The following ZRANB3 variants were observed in gnomAD, a reference collection of about 807,000 sequenced individuals.
ZRANB3 encodes the protein zinc finger RANBP2-type containing 3, also known as DNA annealing helicase and endonuclease ZRANB3.
Under a neutral mutation model 133.8 loss-of-function variants are expected in ZRANB3, and 125 were observed. The observed-to-expected ratio is 0.93, with a 90% CI of 0.81 to 1.08. The LOEUF is 1.08. Among genes scored for constraint, ZRANB3 ranks in the 50% least tolerant of loss-of-function variants. The probability of loss-of-function intolerance (pLI) is 0.00; values close to 1 mark genes in which losing one functional copy is unlikely to be tolerated. For synonymous variants in ZRANB3, 387 were observed against 432.7 expected (o/e 0.89, Z 1.31); for missense variants, 1,229 against 1,275.5 (o/e 0.96, Z 0.56).
intron 6 of ZRANB3, among the ~76,000 whole-genome samples, chr2:135,330,097 T>C (rs1684062236): frequency 6.6e-6 from 1 of 152,232 alleles, no homozygotes; most frequent in Non-Finnish European, 1.5e-5. Context: ...ATATGTTGAA[T>C]AGGAGTGGTG....
chr2:135,377,722 A>G (rs1219221006), intron 3 of ZRANB3, among the ~76,000 whole-genome samples: 1 of 152,252 alleles, frequency 6.6e-6, no homozygotes, highest in Admixed American at 6.5e-5. Context: ...TGAATTCCAA[A>G]TAATTTATGT....
intron 12 of ZRANB3, among the ~76,000 whole-genome samples, chr2:135,265,256 T>C (rs1209711897): frequency 6.6e-6 from 1 of 152,228 alleles, no homozygotes; most frequent in Non-Finnish European, 1.5e-5. Flanking sequence ...GCACATTTAA[T>C]ATACCTTTCC....
rs752481415 is a variant in ZRANB3 at position 135,341,758 on chromosome 2, G to A, written c.677+3792C>T. On this transcript the variant is annotated intron_variant, in intron 6 of 20. Coordinates refer to ENST00000264159, the MANE Select transcript of ZRANB3 (RefSeq NM_032143.4). ...AGGGCGGGGGGCCTCTAAAATGGCC[G>A]CTCTGGGAGTGTCTGCCTTATGCAG... Among the ~76,000 whole-genome samples the A allele has an allele frequency of 1.7e-4, 25 of 149,992 alleles. 3 individuals are homozygous for A. Among genetic ancestry groups the A allele is most frequent in the African/African-American group, 5.1e-4 (20 of 39,356 alleles).
chr2:135,260,810 GTATATATATACTATATATTC>G (rs1484364563), intron 12 of ZRANB3, among the ~76,000 whole-genome samples: 1 of 141,600 alleles, frequency 7.1e-6, no homozygotes, highest in Non-Finnish European at 1.5e-5. Flanking sequence ...CAAGTTTATA[GTATATATATACTATATATTC>G]TATATATATA....
intron 2 of ZRANB3, among the ~76,000 whole-genome samples, chr2:135,401,625 G>C (rs1158306132): frequency 2.6e-5 from 4 of 152,154 alleles, no homozygotes; most frequent in Admixed American, 2.6e-4. Flanking sequence ...TGTTAAAATA[G>C]GGTTGACTCA....
chr2:135,271,845 T>C lies in ZRANB3; in HGVS notation c.1129A>G (p.Arg377Gly). The C allele has an allele frequency of 6.2e-7, 1 of 1,613,748 alleles. No individual in the cohort carries two copies. Among genetic ancestry groups the C allele is most frequent in the Non-Finnish European group, 8.5e-7 (1 of 1,179,786 alleles). Residue 377 changes from arginine (R) to glycine (G), a missense_variant, in exon 10 of 21, where the codon AGA (arginine) becomes GGA (glycine). By Grantham distance (125) the Arg-to-Gly change is moderately radical (BLOSUM62 -2). Transcript: ENST00000264159. ...TGAAACTGATTAACCAGATGTATTC[T>C]TTCTGAAGATGAAACACTTCCATCT... ...RIDGSVSSSE[R>G]IHLVNQFQKD... is the part of the protein sequence containing the mutation.
chr2:135,480,835 A>G (rs867275197), intron 2 of ZRANB3, among the ~76,000 whole-genome samples: 3 of 129,812 alleles, frequency 2.3e-5, no homozygotes, highest in Non-Finnish European at 4.6e-5. Flanking sequence ...TCATTGTTCA[A>G]TTCCCACCTA....
At chr2:135,239,207 C>G (rs906834885) in intron 12 of ZRANB3, among the ~76,000 whole-genome samples, 5 of 151,864 alleles carry the variant, frequency 3.3e-5, no homozygotes, top group African/African-American at 1.2e-4. Flanking sequence ...TTATAAAATT[C>G]ATAAAAACAG....
chr2:135,224,572 A>G lies in ZRANB3; in HGVS notation c.2159-55T>C. The G allele has an allele frequency of 1.5e-6, 2 of 1,311,464 alleles. 1 individual carries two copies. The highest frequency in any genetic ancestry group is 2.6e-5 in the South Asian group (2 of 75,790). 81.2% of individuals were successfully genotyped at this position (1,311,464 alleles called of 1,614,324 possible). On this transcript the variant is annotated intron_variant, in intron 14 of 20. Transcript: ENST00000264159. ...GGCTTATCTACCCTCTATCTAAAAT[A>G]GCTTATTTTAATCGTGTGTAGGTTA... is the stretch of plus-strand genomic sequence containing the variant.
At chr2:135,328,406 G>C (rs955563598) in intron 6 of ZRANB3, among the ~76,000 whole-genome samples, 1 of 152,018 alleles carries the variant, frequency 6.6e-6, no homozygotes, top group Admixed American at 6.6e-5. Flanking sequence ...CCTTTTTTAT[G>C]GCTGCATAGC....
chr2:135,202,929 T>TGTC lies in ZRANB3; in HGVS notation c.3041_3043dup (p.Gly1014_His1015insArg), dbSNP rs751645395. 3 of 1,612,934 alleles carry TGTC rather than the reference T, an allele frequency of 1.9e-6. No homozygotes were observed. The highest frequency in any genetic ancestry group is 2.5e-6 in the Non-Finnish European group (3 of 1,179,526). The stretch of plus-strand genomic sequence containing the variant: ...CTTGATGTGATCCACCTGCCAGAAA[T>TGTC]GTCCTTCCCCTGGGTTTCTTATCAT... On this transcript the variant is annotated inframe_insertion, in exon 20 of 21. Coordinates refer to ENST00000264159, the MANE Select transcript of ZRANB3 (RefSeq NM_032143.4).
intron 1 of ZRANB3, among the ~76,000 whole-genome samples, chr2:135,517,731 A>AT (rs1693759793): frequency 6.6e-6 from 1 of 152,192 alleles, no homozygotes; most frequent in East Asian, 1.9e-4. Context: ...GTCAGGGGGC[A>AT]TGGGGGTCAG....
At chr2:135,251,249 C>T (rs188526112) in intron 12 of ZRANB3, among the ~76,000 whole-genome samples, 2 of 152,250 alleles carry the variant, frequency 1.3e-5, no homozygotes. Context: ...AACCTGTACC[C>T]CCATTGTATC....
intron 12 of ZRANB3, among the ~76,000 whole-genome samples, chr2:135,241,974 G>A (rs1262087304): frequency 6.6e-6 from 1 of 152,052 alleles, no homozygotes; most frequent in Non-Finnish European, 1.5e-5. Context: ...GAGGTCAGGA[G>A]TTCCAGACCA....
At chr2:135,276,618 A>G (rs1369428927) in intron 8 of ZRANB3, among the ~76,000 whole-genome samples, 1 of 152,214 alleles carries the variant, frequency 6.6e-6, no homozygotes, top group Non-Finnish European at 1.5e-5. Context: ...GAAATTGTGG[A>G]AAAAGATACC....
intron 2 of ZRANB3, among the ~76,000 whole-genome samples, chr2:135,498,493 C>G (rs1692783086): frequency 6.6e-6 from 1 of 152,162 alleles, no homozygotes; most frequent in African/African-American, 2.4e-5. Flanking sequence ...ATGAATGTCA[C>G]TTCAGGACCC....
rs141941589 is a variant in ZRANB3, at chr2:135,488,918, A to G, written c.161+15411T>C. The stretch of plus-strand genomic sequence containing the variant: ...TGATTATACTATATAGCATAATAAA[A>G]CAAAGTATGCTATATAATCAAAAGA... On this transcript the variant is annotated intron_variant, in intron 2 of 20. Transcript: ENST00000264159. 3.0e-3 allele frequency among the ~76,000 whole-genome samples: 452 copies of G among 152,148 alleles called. 3 individuals carry two copies. The highest frequency in any genetic ancestry group is 0.01 in the African/African-American group (421 of 41,546).
chr2:135,498,243 G>A (rs1215679822), intron 2 of ZRANB3, among the ~76,000 whole-genome samples: 1 of 152,140 alleles, frequency 6.6e-6, no homozygotes, highest in African/African-American at 2.4e-5. Flanking sequence ...GTTGCGGGAA[G>A]TCAGGGATCC....
chr2:135,435,303 T>C (rs1209482226), intron 2 of ZRANB3, among the ~76,000 whole-genome samples: 1 of 152,224 alleles, frequency 6.6e-6, no homozygotes, highest in Non-Finnish European at 1.5e-5. Context: ...TCCATACATG[T>C]TCCTGCAAAA....
Sources: allele counts gnomAD v4.1 joint callset (sites outside exome capture counted in the v4.1 genomes callset), GRCh38; gene constraint gnomAD v4.1.1; transcripts MANE v1.5; gene names NCBI Gene and HGNC (gene_info 2026-07-23, HGNC 2026-07-21).